NDC1: variants seen among roughly 807,000 people sequenced by gnomAD.
NDC1 encodes nucleoporin NDC1.
NDC1 carries 24 observed loss-of-function variants against 89.8 expected under a neutral mutation model. That is an observed-to-expected ratio of 0.27 (90% CI 0.19 to 0.38). NDC1 has a LOEUF of 0.38. Ranked by LOEUF, NDC1 falls within the 10% of genes least tolerant of loss-of-function variation. NDC1 has a pLI of 1.00. For missense variants in NDC1, 728 were observed against 797.6 expected, an observed-to-expected ratio of 0.91 and a Z score of 1.05; for synonymous variants, 296 against 284.8, an observed-to-expected ratio of 1.04 and a Z score of -0.39.
chr1:53,775,986 ACT>A (rs1269865201), intron 16 of NDC1, among the ~76,000 whole-genome samples: 66 of 141,502 alleles, frequency 4.7e-4, no homozygotes, highest in African/African-American at 1.1e-3. Context: ...ACGGAGTCTC[ACT>A]CTGTCATCTT....
intron 16 of NDC1, among the ~76,000 whole-genome samples, chr1:53,779,119 CAAAAAAAA>C (rs11412563): frequency 3.6e-5 from 2 of 55,524 alleles, no homozygotes; most frequent in East Asian, 5.7e-4. Context: ...GACTCTGTCG[CAAAAAAAA>C]AAAAAAAAAA....
At chr1:53,782,551 C>G (rs1170313067) in intron 16 of NDC1, among the ~76,000 whole-genome samples, 1 of 152,174 alleles carries the variant, frequency 6.6e-6, no homozygotes, top group Admixed American at 6.5e-5. Context: ...AACTGGAAAT[C>G]CTGGTAGGAT....
At chr1:53,818,040 T>C (rs1197449292) in intron 6 of NDC1, among the ~76,000 whole-genome samples, 1 of 152,184 alleles carries the variant, frequency 6.6e-6, no homozygotes, top group Non-Finnish European at 1.5e-5. Context: ...AAGGAGGATG[T>C]CATTTCTAGA....
chr1:53,795,061 C>G (rs1647653250), intron 13 of NDC1, among the ~76,000 whole-genome samples: 1 of 152,134 alleles, frequency 6.6e-6, no homozygotes, highest in African/African-American at 2.4e-5. Flanking sequence ...CAGCTCTTGT[C>G]AAGGACTCAG....
At chr1:53,790,632 G>A (rs1209242575) in intron 14 of NDC1, among the ~76,000 whole-genome samples, 1 of 151,778 alleles carries the variant, frequency 6.6e-6, no homozygotes, top group South Asian at 2.1e-4. Context: ...GCTTGAACCC[G>A]GGAGGCAGAG....
intron 14 of NDC1, among the ~76,000 whole-genome samples, chr1:53,792,776 G>A (rs1647564447): frequency 6.6e-6 from 1 of 152,186 alleles, no homozygotes; most frequent in Non-Finnish European, 1.5e-5. Flanking sequence ...TACACAAGTT[G>A]GGAAGTCATT....
intron 14 of NDC1, among the ~76,000 whole-genome samples, chr1:53,791,896 CAG>C (rs1159902299): frequency 1.3e-5 from 2 of 151,784 alleles, no homozygotes; most frequent in South Asian, 2.1e-4. Context: ...GAAGCGAAAA[CAG>C]AGTATGGCAC....
chr1:53,814,824 A>C (rs1444730464), intron 6 of NDC1, among the ~76,000 whole-genome samples: 1 of 152,204 alleles, frequency 6.6e-6, no homozygotes, highest in Non-Finnish European at 1.5e-5. Flanking sequence ...ACTATGAACA[A>C]CACCTTTACG....
At chr1:53,770,330 A>G (rs1647101208) in intron 17 of NDC1, among the ~76,000 whole-genome samples, 1 of 151,942 alleles carries the variant, frequency 6.6e-6, no homozygotes, top group Non-Finnish European at 1.5e-5. Context: ...TCTTTGAGGC[A>G]GGGTCTTGCT....
intron 10 of NDC1, among the ~76,000 whole-genome samples, chr1:53,801,402 G>A (rs1020279511): frequency 6.6e-6 from 1 of 152,150 alleles, no homozygotes; most frequent in African/African-American, 2.4e-5. Flanking sequence ...TTTACACTCA[G>A]AGAGCTTACA....
intron 8 of NDC1, 89 bp from the exon 9 acceptor site, chr1:53,806,606 C>T: frequency 1.4e-6 from 1 of 719,636 alleles, no homozygotes; most frequent in Non-Finnish European, 2.0e-6. Flanking sequence ...AGACAGACAG[C>T]ACAAGCAAAC....
At chr1:53,793,164 G>T in intron 14 of NDC1, 65 bp downstream of exon 14, 2 of 1,334,144 alleles carry the variant, frequency 1.5e-6, no homozygotes, top group Admixed American at 3.5e-5. Flanking sequence ...GATCCTATCT[G>T]CTACTTTATT....
chr1:53,828,202 T>C (rs1293256894), intron 3 of NDC1, 29 bp from the exon 4 acceptor site: 1 of 1,606,490 alleles, frequency 6.2e-7, no homozygotes, highest in Non-Finnish European at 8.5e-7. Context: ...ACTGTGGCTT[T>C]ATAACCTACA....
rs777669504 is a variant in NDC1, at chr1:53,807,652, A to G, written c.891+4T>C. The G allele has an allele frequency of 6.9e-6, 11 of 1,586,730 alleles. No homozygotes were observed. Among genetic ancestry groups the G allele is most frequent in the South Asian group, 1.2e-5 (1 of 85,522 alleles). The stretch of plus-strand genomic sequence containing the variant: ...ATTAAGAAAAAATATTTTAAAAAAC[A>G]TACCTCTGTGGCATAGATTTTGAAG... On this transcript the variant is annotated splice_donor_region_variant and intron_variant, in intron 8 of 17. Coordinates refer to ENST00000371429, the MANE Select transcript of NDC1 (RefSeq NM_018087.5).
intron 3 of NDC1, among the ~76,000 whole-genome samples, chr1:53,831,010 A>G (rs1455911545): frequency 6.6e-6 from 1 of 152,134 alleles, no homozygotes; most frequent in Non-Finnish European, 1.5e-5. Context: ...TCACGAGGTG[A>G]GGAGATTGAG....
intron 6 of NDC1, among the ~76,000 whole-genome samples, chr1:53,812,745 G>A (rs560800399): frequency 6.5e-4 from 99 of 152,282 alleles, no homozygotes; most frequent in African/African-American, 1.5e-3. Flanking sequence ...AATACAAGAA[G>A]CACCAAAGAA....
At chr1:53,814,277 C>A (rs1384010360) in intron 6 of NDC1, among the ~76,000 whole-genome samples, 2 of 152,132 alleles carry the variant, frequency 1.3e-5, no homozygotes, top group Non-Finnish European at 2.9e-5. Flanking sequence ...ATGGCGTGAA[C>A]CCGGGAGGTG....
At chr1:53,792,522 T>C (rs990225879) in intron 14 of NDC1, among the ~76,000 whole-genome samples, 12 of 152,194 alleles carry the variant, frequency 7.9e-5, no homozygotes, top group African/African-American at 2.9e-4. Flanking sequence ...CAGATGCCAA[T>C]ATAAACTTTC....
intron 6 of NDC1, among the ~76,000 whole-genome samples, chr1:53,812,422 A>T (rs954179310): frequency 1.3e-5 from 2 of 152,236 alleles, no homozygotes; most frequent in Non-Finnish European, 2.9e-5. Context: ...AAAAAACAAT[A>T]AAAAATTCAG....
Sources: allele counts gnomAD v4.1 joint callset (sites outside exome capture counted in the v4.1 genomes callset), GRCh38; gene constraint gnomAD v4.1.1; transcripts MANE v1.5; gene names NCBI Gene and HGNC (gene_info 2026-07-23, HGNC 2026-07-21).